TDP1: variants seen among roughly 807,000 people sequenced by gnomAD.
TDP1 encodes the protein tyrosyl-DNA phosphodiesterase 1.
TDP1 carries 64 observed loss-of-function variants against 81.5 expected under a neutral mutation model. The observed-to-expected ratio is 0.79, with a 90% CI of 0.64 to 0.97. The LOEUF (loss-of-function observed/expected upper bound fraction) is 0.97, where lower values mean the gene tolerates loss of function less well. TDP1 is among the 50% of genes least tolerant of loss of function. The pLI is 0.00. For missense variants in TDP1, 723 were observed against 743.8 expected (o/e 0.97, Z 0.33); for synonymous variants, 256 against 264.3 (o/e 0.97, Z 0.30).
intron 14 of TDP1, among the ~76,000 whole-genome samples, chr14:90,005,447 A>C (rs962671389): frequency 2.0e-5 from 3 of 152,214 alleles, no homozygotes; most frequent in African/African-American, 7.2e-5. Context: ...ATCATCTCCC[A>C]AGGCCCATTC....
chr14:90,030,931 A>T (rs1300481165), intron 15 of TDP1, among the ~76,000 whole-genome samples: 2 of 146,174 alleles, frequency 1.4e-5, no homozygotes, highest in African/African-American at 5.0e-5. Flanking sequence ...ACTCCAGTTA[A>T]TTTTTTTTTT....
Position 90,019,329 on chromosome 14 carries a change from A to G in TDP1, c.1555A>G (p.Lys519Glu), listed in dbSNP as rs776798636. ...WFLVTSANLS[K>E]AAWGALEKNG... ...TTGTCTCTGCAGCGCAAATCTGTCCAAGGCTGCCTGGGGAGCATTGGAGAA... is the reference window on the plus strand; with the variant it reads ...TTGTCTCTGCAGCGCAAATCTGTCCGAGGCTGCCTGGGGAGCATTGGAGAA... Residue 519 changes from lysine to glutamate, a missense_variant, in exon 15 of 17, where the codon AAG (lysine) becomes GAG (glutamate). Physicochemically the swap from Lys to Glu is moderately conservative, Grantham distance 56. Coordinates refer to ENST00000335725, the MANE Select transcript of TDP1 (RefSeq NM_018319.4). The G allele has an allele frequency of 3.1e-6, 5 of 1,610,778 alleles. No homozygotes were observed. In the South Asian group the frequency reaches 3.3e-5, roughly 11 times the overall value.
chr14:89,988,960 G>A lies in TDP1; in HGVS notation c.1187G>A (p.Gly396Asp). ...MPNAESWPVV[G>D]QFSSVGSLGA... ...AACGCAGAGTCCTGGCCTGTCGTAG[G>A]TCAGTTTTCAAGCGTTGGCTCCTTG... is the stretch of plus-strand genomic sequence containing the variant. Residue 396 changes from glycine to aspartate, a missense_variant, in exon 11 of 17, where the codon GGT (glycine) becomes GAT (aspartate). Physicochemically the swap from Gly to Asp is moderately conservative, Grantham distance 94 (BLOSUM62 -1). Transcript: ENST00000335725. 6.2e-7 allele frequency: 1 copy of A among 1,614,194 alleles called. No homozygotes were observed. Among genetic ancestry groups the A allele is most frequent in the Non-Finnish European group, 8.5e-7 (1 of 1,180,028 alleles).
At chr14:89,977,203 C>G (rs920446903) in intron 7 of TDP1, among the ~76,000 whole-genome samples, 6 of 152,136 alleles carry the variant, frequency 3.9e-5, no homozygotes, top group Non-Finnish European at 2.9e-5. Flanking sequence ...GAACTTTTCC[C>G]AATTAAGTAT....
intron 14 of TDP1, among the ~76,000 whole-genome samples, chr14:90,009,310 T>C (rs1199625651): frequency 6.6e-6 from 1 of 152,164 alleles, no homozygotes; most frequent in African/African-American, 2.4e-5. Flanking sequence ...AGCATTCCAA[T>C]ATTTGAGAGA....
intron 6 of TDP1, among the ~76,000 whole-genome samples, chr14:89,974,062 A>G (rs1032372719): frequency 6.6e-6 from 1 of 152,140 alleles, no homozygotes; most frequent in African/African-American, 2.4e-5. Context: ...TCACATTGGA[A>G]GTTGGGGCTT....
intron 14 of TDP1, among the ~76,000 whole-genome samples, chr14:90,013,965 C>A (rs1237327069): frequency 6.6e-6 from 1 of 152,182 alleles, no homozygotes; most frequent in Non-Finnish European, 1.5e-5. Flanking sequence ...GTCCATTAAA[C>A]CTCTTTCCTT....
At chr14:90,016,941 T>G (rs1885383350) in intron 14 of TDP1, among the ~76,000 whole-genome samples, 2 of 151,972 alleles carry the variant, frequency 1.3e-5, no homozygotes, top group Admixed American at 1.3e-4. Context: ...GAAGCATCAC[T>G]CGGTATCCAG....
At chr14:89,990,325 T>G (rs1222947085) in intron 12 of TDP1, among the ~76,000 whole-genome samples, 1 of 152,140 alleles carries the variant, frequency 6.6e-6, no homozygotes, top group Non-Finnish European at 1.5e-5. Context: ...CACTAAACCT[T>G]TATTTAGAAT....
intron 14 of TDP1, among the ~76,000 whole-genome samples, chr14:89,999,363 G>A (rs924805451): frequency 2.0e-5 from 3 of 152,184 alleles, no homozygotes; most frequent in Admixed American, 2.0e-4. Context: ...AGAGAGCACT[G>A]TGGATTCTAG....
rs1176075975 is a variant in TDP1 at position 90,001,204 on chromosome 14, G to A, written c.1541+7721G>A. On this transcript the variant is annotated intron_variant, in intron 14 of 16. Transcript: ENST00000335725. ...AACTGGCTACAGAAGGTCAGGAATT[G>A]GAATCTTATAAAAATGCTAGCCTTA... Among the ~76,000 whole-genome samples, 6 of 152,040 alleles carry A rather than the reference G, an allele frequency of 3.9e-5. No homozygotes were observed. The East Asian group carries it at 9.6e-4, about 24-fold the overall frequency.
chr14:89,959,666 A>G (rs2139908115), intron 2 of TDP1, among the ~76,000 whole-genome samples: 1 of 152,316 alleles, frequency 6.6e-6, no homozygotes, highest in South Asian at 2.1e-4. Flanking sequence ...GTCTTTTTTA[A>G]AGCTTTGTTT....
At chr14:89,956,452 C>A (rs1355631124) in intron 1 of TDP1, 126 bp from the exon 2 acceptor site, 1 of 152,354 alleles carries the variant, frequency 6.6e-6, no homozygotes, top group Non-Finnish European at 1.5e-5. Context: ...CTGGCCGGCC[C>A]CAAATGAGCA....
At chr14:89,993,354 C>T (rs775240761) in intron 13 of TDP1, 22 bp from the exon 14 acceptor site, 1 of 1,587,202 alleles carries the variant, frequency 6.3e-7, no homozygotes, top group Non-Finnish European at 8.6e-7. Flanking sequence ...TAATTAGTAA[C>T]TTTTGTCTTT....
chr14:89,981,968 A>T (rs1285444492), intron 8 of TDP1, among the ~76,000 whole-genome samples: 2 of 152,132 alleles, frequency 1.3e-5, no homozygotes, highest in Admixed American at 6.5e-5. Context: ...GCCCCAAGTT[A>T]CATCTTAGTT....
intron 15 of TDP1, among the ~76,000 whole-genome samples, chr14:90,024,622 G>A (rs1455779598): frequency 6.6e-6 from 1 of 152,176 alleles, no homozygotes; most frequent in African/African-American, 2.4e-5. Context: ...AAACTGTGTT[G>A]TAAAGCAATT....
At chr14:90,029,629 G>A (rs1270413372) in intron 15 of TDP1, among the ~76,000 whole-genome samples, 3 of 151,350 alleles carry the variant, frequency 2.0e-5, no homozygotes, top group Non-Finnish European at 2.9e-5. Flanking sequence ...CTCCCAAGTA[G>A]CTGGGATTAC....
rs79482482 is a variant in TDP1 at position 89,959,836 on chromosome 14, T to C, written c.-8+3036T>C. ...CTTAGCAACTCTTAGTACATAATAA[T>C]GTACTTAGCACAGAATTCTCAGTGT... On this transcript the variant is annotated intron_variant, in intron 2 of 16. Coordinates refer to ENST00000335725, the MANE Select transcript of TDP1 (RefSeq NM_018319.4). Among the ~76,000 whole-genome samples, 484 of 152,298 alleles carry C rather than the reference T, an allele frequency of 3.2e-3. 21 individuals are homozygous for C. The East Asian group carries it at 0.084, about 26-fold the overall frequency.
chr14:89,989,899 A>G (rs1343284275), intron 12 of TDP1, 134 bp downstream of exon 12: 18 of 745,090 alleles, frequency 2.4e-5, no homozygotes, highest in Non-Finnish European at 3.6e-5. Flanking sequence ...AAAATAGGCA[A>G]TATGAAGCTC....
Sources: allele counts gnomAD v4.1 joint callset (sites outside exome capture counted in the v4.1 genomes callset), GRCh38; gene constraint gnomAD v4.1.1; transcripts MANE v1.5; gene names NCBI Gene and HGNC (gene_info 2026-07-23, HGNC 2026-07-21).